The following GADL1 variants were observed in gnomAD, a reference collection of about 807,000 sequenced individuals.
GADL1 encodes the protein acidic amino acid decarboxylase GADL1.
Under a neutral mutation model 69.5 loss-of-function variants are expected in GADL1, and 71 were observed. The ratio of observed to expected loss-of-function variants is 1.02; its 90% CI spans 0.84 to 1.25. GADL1 has a LOEUF of 1.25. GADL1 is among the 50% of genes most tolerant of loss of function. The probability of loss-of-function intolerance (pLI) is 0.00; values close to 1 mark genes in which losing one functional copy is unlikely to be tolerated. For missense variants in GADL1, 737 were observed against 631.8 expected (o/e 1.17, Z -1.79); for synonymous variants, 254 against 214.4 (o/e 1.18, Z -1.62).
intron 14 of GADL1, among the ~76,000 whole-genome samples, chr3:30,762,690 A>G (rs1696167567): frequency 6.6e-6 from 1 of 152,178 alleles, no homozygotes; most frequent in Non-Finnish European, 1.5e-5. Context: ...GTGCAGTCAT[A>G]ATAGGTCTCC....
Position 30,857,014 on chromosome 3 carries a change from C to T in GADL1, c.337+1G>A, listed in dbSNP as rs1029705082. The T allele has an allele frequency of 6.5e-7, 1 of 1,548,862 alleles. No individual in the cohort carries two copies. Among genetic ancestry groups the T allele is most frequent in the Admixed American group, 2.0e-5 (1 of 50,922 alleles). On this transcript the variant is annotated splice_donor_variant, in intron 3 of 14. Transcript: ENST00000282538. LOFTEE classifies it high-confidence loss of function. The stretch of plus-strand genomic sequence containing the variant: ...TCAAGGAAGTAAATTAAAGTTCTTA[C>T]TAGTTTTGACACTGTAGTGTATGAC...
At chr3:30,760,308 G>A (rs1575189323) in intron 14 of GADL1, among the ~76,000 whole-genome samples, 1 of 151,960 alleles carries the variant, frequency 6.6e-6, no homozygotes. Flanking sequence ...ACATCTCTTT[G>A]TGCCTTATCA....
chr3:30,753,475 A>C (rs931467024), intron 14 of GADL1, among the ~76,000 whole-genome samples: 1 of 149,554 alleles, frequency 6.7e-6, no homozygotes, highest in Non-Finnish European at 1.5e-5. Context: ...GGTTTTTTCA[A>C]TCCTAAAAAA....
At chr3:30,765,124 A>AGGAG (rs1553636868) in intron 14 of GADL1, among the ~76,000 whole-genome samples, 4 of 151,670 alleles carry the variant, frequency 2.6e-5, no homozygotes, top group African/African-American at 4.9e-5. Context: ...CGCAAGACAG[A>AGGAG]GGTAGTTCCC....
intron 1 of GADL1, among the ~76,000 whole-genome samples, chr3:30,893,443 T>C (rs1698812663): frequency 6.6e-6 from 1 of 152,156 alleles, no homozygotes; most frequent in Non-Finnish European, 1.5e-5. Flanking sequence ...TATCATTAAC[T>C]ATATTCACCC....
intron 11 of GADL1, among the ~76,000 whole-genome samples, chr3:30,810,681 CAATA>C (rs1697334405): frequency 6.6e-6 from 1 of 152,080 alleles, no homozygotes; most frequent in South Asian, 2.1e-4. Flanking sequence ...GTGCAGTGGG[CAATA>C]CTCCCCAGGT....
At chr3:30,829,271 T>C (rs1697746562) in intron 11 of GADL1, among the ~76,000 whole-genome samples, 1 of 151,794 alleles carries the variant, frequency 6.6e-6, no homozygotes, top group Admixed American at 6.6e-5. Flanking sequence ...ATAGTACAAC[T>C]TTGAGAGCAT....
intron 14 of GADL1, among the ~76,000 whole-genome samples, chr3:30,768,952 A>T (rs1696351611): frequency 1.3e-5 from 2 of 152,166 alleles, no homozygotes; most frequent in South Asian, 4.1e-4. Flanking sequence ...CAAAGAGACC[A>T]TGGAAAAAGT....
chr3:30,816,652 TCTC>T (rs919349610), intron 11 of GADL1, among the ~76,000 whole-genome samples: 2 of 143,194 alleles, frequency 1.4e-5, no homozygotes, highest in African/African-American at 5.1e-5. Flanking sequence ...TTCAAGCAAT[TCTC>T]CTGCTGCAGC....
chr3:30,877,325 T>C (rs558545598), intron 1 of GADL1, among the ~76,000 whole-genome samples: 9 of 152,062 alleles, frequency 5.9e-5, no homozygotes, highest in African/African-American at 2.2e-4. Context: ...AGCTGACATA[T>C]TGTATTGAAC....
intron 12 of GADL1, chr3:30,797,681 G>A (rs4955334): frequency 1.6e-5 from 2 of 121,742 alleles, no homozygotes; most frequent in Non-Finnish European, 3.8e-5. Context: ...TTTTTTTTTT[G>A]TTTTTTAAAC....
rs1698018184 is a variant in GADL1 at position 30,844,248 on chromosome 3, C to T, written c.748G>A (p.Glu250Lys). ...TGCCAGACTTGCTTCTCCAGTTCCTCAGGTATCATTTTACCTCTAAGGGAC... is the reference window on the plus strand; with the variant it reads ...TGCCAGACTTGCTTCTCCAGTTCCTTAGGTATCATTTTACCTCTAAGGGAC... The part of the protein sequence containing the change: ...ETDGRGKMIP[E>K]ELEKQVWQAR... Residue 250 changes from glutamate to lysine, a missense_variant, in exon 8 of 15, where the codon GAG (glutamate) becomes AAG (lysine). Coordinates refer to ENST00000282538, the MANE Select transcript of GADL1 (RefSeq NM_207359.3). The T allele has an allele frequency of 2.4e-5, 39 of 1,612,498 alleles. No homozygotes were observed. The highest frequency in any genetic ancestry group is 3.3e-5 in the Non-Finnish European group (39 of 1,179,366).
rs78734208 is a variant in GADL1, at chr3:30,855,088, C to T, written c.338-299G>A. On this transcript the variant is annotated intron_variant, in intron 3 of 14. Coordinates refer to ENST00000282538, the MANE Select transcript of GADL1 (RefSeq NM_207359.3). The stretch of plus-strand genomic sequence containing the variant: ...GGTGATGGCTCCATATGCACAGCTA[C>T]GTACAAATTCATCATGCCGAGCAAT... Among the ~76,000 whole-genome samples, 1,510 of 152,096 alleles carry T rather than the reference C, an allele frequency of 9.9e-3. 24 individuals are homozygous for T. The highest frequency in any genetic ancestry group is 0.035 in the African/African-American group (1,441 of 41,500).
intron 14 of GADL1, among the ~76,000 whole-genome samples, chr3:30,757,511 T>G (rs1696004484): frequency 6.6e-6 from 1 of 152,220 alleles, no homozygotes; most frequent in African/African-American, 2.4e-5. Context: ...GAACTCTGGC[T>G]GTGTACAGCC....
At chr3:30,740,850 CTTTGT>C (rs982695509) in intron 14 of GADL1, among the ~76,000 whole-genome samples, 1 of 148,414 alleles carries the variant, frequency 6.7e-6, no homozygotes, top group Non-Finnish European at 1.5e-5. Flanking sequence ...CTGCTTTTAA[CTTTGT>C]TTTTAGTTAT....
At chr3:30,771,748 A>G (rs1228807856) in intron 14 of GADL1, among the ~76,000 whole-genome samples, 2 of 152,228 alleles carry the variant, frequency 1.3e-5, no homozygotes, top group African/African-American at 4.8e-5. Flanking sequence ...TGAATATACT[A>G]ATGTCAAAGA....
intron 11 of GADL1, among the ~76,000 whole-genome samples, chr3:30,830,253 T>TCC (rs1284492120): frequency 2.6e-5 from 4 of 151,524 alleles, no homozygotes; most frequent in Middle Eastern, 3.2e-3. Context: ...CCCTGCAAAG[T>TCC]CCCCCCCTGC....
chr3:30,784,350 TC>T (rs1347030264), intron 13 of GADL1, among the ~76,000 whole-genome samples: 3 of 152,002 alleles, frequency 2.0e-5, no homozygotes, highest in Non-Finnish European at 2.9e-5. Context: ...TTATCACTAC[TC>T]CCTCTGTTTT....
At chr3:30,817,185 T>A (rs974766059) in intron 11 of GADL1, among the ~76,000 whole-genome samples, 4 of 152,188 alleles carry the variant, frequency 2.6e-5, no homozygotes, top group Non-Finnish European at 5.9e-5. Context: ...TTATGATAAA[T>A]GTCCTGAATG....
Sources: allele counts gnomAD v4.1 joint callset (sites outside exome capture counted in the v4.1 genomes callset), GRCh38; gene constraint gnomAD v4.1.1; transcripts MANE v1.5; gene names NCBI Gene and HGNC (gene_info 2026-07-23, HGNC 2026-07-21).